RASSF4: variants seen among roughly 807,000 people sequenced by gnomAD.
RASSF4 encodes the protein Ras association domain family member 4.
RASSF4 carries 38 observed loss-of-function variants against 41.1 expected under a neutral mutation model. The ratio of observed to expected loss-of-function variants is 0.92; its 90% CI spans 0.71 to 1.21. The LOEUF (loss-of-function observed/expected upper bound fraction) is 1.21, where lower values mean the gene tolerates loss of function less well. Among genes scored for constraint, RASSF4 ranks in the 50% most tolerant of loss-of-function variants. RASSF4 has a pLI of 0.00. For missense variants in RASSF4, 414 were observed against 419.4 expected (o/e 0.99, Z 0.11); for synonymous variants, 179 against 163.4 (o/e 1.10, Z -0.73).
At chr10:44,977,673 T>C in intron 3 of RASSF4, 1 of 1,612,910 alleles carries the variant, frequency 6.2e-7, no homozygotes, top group Non-Finnish European at 8.5e-7. Flanking sequence ...GGCAGGTCCC[T>C]CTGGCTTGGC....
At position 44,971,095 on chromosome 10, in the gene RASSF4, C is replaced by T. The variant is rs1841136768; in HGVS notation, c.63-678C>T. The T allele has an allele frequency of 1.4e-5, 3 of 221,144 alleles. No homozygotes were observed. The South Asian group carries it at 1.9e-4, about 14-fold the overall frequency. 13.7% of individuals were successfully genotyped at this position (221,144 alleles called of 1,614,324 possible). On this transcript the variant is annotated intron_variant, in intron 2 of 10. Coordinates refer to ENST00000340258, the MANE Select transcript of RASSF4 (RefSeq NM_032023.4). ...AACATGTACTAGAAGATTGAAATTA[C>T]CAGTGTGGCTCACATCCCACGTCTG...
chr10:44,966,246 C>G (rs995125988), intron 1 of RASSF4, among the ~76,000 whole-genome samples: 2 of 152,144 alleles, frequency 1.3e-5, no homozygotes, highest in African/African-American at 4.8e-5. Flanking sequence ...TAAGTAACCA[C>G]TGCCTGACTT....
At chr10:44,968,776 G>C (rs146617341) in intron 1 of RASSF4, among the ~76,000 whole-genome samples, 3 of 152,166 alleles carry the variant, frequency 2.0e-5, no homozygotes, top group African/African-American at 7.2e-5. Flanking sequence ...CACTCAGGTC[G>C]GGAAGACATG....
At chr10:44,969,318 A>G (rs1841047025) in intron 1 of RASSF4, among the ~76,000 whole-genome samples, 1 of 151,956 alleles carries the variant, frequency 6.6e-6, no homozygotes. Flanking sequence ...GGCTCCTCAA[A>G]CCAATCAAGG....
intron 1 of RASSF4, among the ~76,000 whole-genome samples, chr10:44,962,761 G>A (rs1040580416): frequency 1.3e-5 from 2 of 152,236 alleles, no homozygotes; most frequent in Non-Finnish European, 2.9e-5. Flanking sequence ...CTGGTTGGTG[G>A]GGAAGTTGAG....
At chr10:44,971,238 G>GA in intron 2 of RASSF4, 1 of 336,004 alleles carries the variant, frequency 3.0e-6, no homozygotes, top group South Asian at 2.3e-5. Flanking sequence ...AGCGTTGAGG[G>GA]AAAGTGGCTT....
chr10:44,993,839 T>C lies in RASSF4; in HGVS notation c.*510T>C, dbSNP rs144084628. ...ATCACCTTGCCACAGTGTCCCCGGC[T>C]TCTAAGCCTCCAATATCACCCTGTG... On this transcript the variant is annotated 3_prime_UTR_variant, in exon 11 of 11. Transcript: ENST00000340258. 188 of 157,040 alleles carry C rather than the reference T, an allele frequency of 1.2e-3. No individual in the cohort carries two copies. Among genetic ancestry groups the C allele is most frequent in the African/African-American group, 4.4e-3 (182 of 41,802 alleles). The allele number at this position is 157,040 out of a possible 1,614,324, so 9.7% of individuals were successfully genotyped here.
At chr10:44,960,476 G>GC (rs1277475638) in intron 1 of RASSF4, among the ~76,000 whole-genome samples, 1 of 152,206 alleles carries the variant, frequency 6.6e-6, no homozygotes, top group East Asian at 1.9e-4. Flanking sequence ...GGCTTGTTGT[G>GC]CCCCTGAGTC....
intron 10 of RASSF4, among the ~76,000 whole-genome samples, chr10:44,992,553 C>A (rs898513198): frequency 6.6e-6 from 1 of 152,228 alleles, no homozygotes; most frequent in Non-Finnish European, 1.5e-5. Flanking sequence ...GGTCCGGATG[C>A]ATGAGTTAGC....
chr10:44,969,084 ATG>A (rs1308609101), intron 1 of RASSF4, among the ~76,000 whole-genome samples: 2 of 146,012 alleles, frequency 1.4e-5, no homozygotes, highest in African/African-American at 2.5e-5. Flanking sequence ...GTGTGTGTGC[ATG>A]TGATTGTGTA....
Position 44,991,993 on chromosome 10 carries a change from T to G in RASSF4, c.896T>G (p.Leu299Arg), listed in dbSNP as rs1842130753. The stretch of plus-strand genomic sequence containing the variant: ...GAGGAAGAAAGAGAAATAATCAAAC[T>G]GACCATGAAGTAAGCAGCACTTAAA... ...KEEEEREIIKLTMKFQALRLT... is the reference protein window; with the variant it reads ...KEEEEREIIKRTMKFQALRLT... The change falls in exon 10 of 11, where the codon CTG becomes CGG. Residue 299 changes from leucine to arginine, a missense_variant. Coordinates refer to ENST00000340258, the MANE Select transcript of RASSF4 (RefSeq NM_032023.4). 1 of 1,603,882 alleles carries G rather than the reference T, an allele frequency of 6.2e-7. No homozygotes were observed. Among genetic ancestry groups the G allele is most frequent in the South Asian group, 1.1e-5 (1 of 90,870 alleles).
intron 3 of RASSF4, chr10:44,976,299 A>T (rs1259949358): frequency 6.6e-6 from 1 of 152,264 alleles, no homozygotes; most frequent in African/African-American, 2.4e-5. Context: ...TATGGTTTAC[A>T]TTCTATCTCC....
At chr10:44,967,309 G>T (rs1175437861) in intron 1 of RASSF4, among the ~76,000 whole-genome samples, 1 of 152,216 alleles carries the variant, frequency 6.6e-6, no homozygotes, top group Non-Finnish European at 1.5e-5. Flanking sequence ...GCCTGGAAGG[G>T]ACCCACAACA....
intron 2 of RASSF4, chr10:44,970,522 A>G (rs1013954267): frequency 2.6e-4 from 122 of 469,024 alleles, no homozygotes; most frequent in Non-Finnish European, 4.0e-4. Context: ...AGGTGTGTAC[A>G]GGGCCTCATT....
At chr10:44,981,036 C>G (rs1841686988) in intron 3 of RASSF4, 1 of 152,142 alleles carries the variant, frequency 6.6e-6, no homozygotes, top group Non-Finnish European at 1.5e-5. Flanking sequence ...TTTGGATACA[C>G]TATTTTCTCT....
Position 44,994,522 on chromosome 10 carries a change from A to C in RASSF4, c.*1193A>C, listed in dbSNP as rs1842230742. On this transcript the variant is annotated 3_prime_UTR_variant, in exon 11 of 11. Coordinates refer to ENST00000340258, the MANE Select transcript of RASSF4 (RefSeq NM_032023.4). Reference sequence around the variant, plus strand: ...CTCCTTACGGGTGCCCATCAAGAGCATAGCTTGGAAGCCACCATGCTGTGC... The same window carrying C: ...CTCCTTACGGGTGCCCATCAAGAGCCTAGCTTGGAAGCCACCATGCTGTGC... 2 of 152,346 alleles carry C rather than the reference A, an allele frequency of 1.3e-5. No homozygotes were observed. The highest frequency in any genetic ancestry group is 1.3e-4 in the Admixed American group (2 of 15,284). The allele number at this position is 152,346 out of a possible 1,614,324, so 9.4% of individuals were successfully genotyped here.
At chr10:44,960,690 G>C (rs1840677506) in intron 1 of RASSF4, among the ~76,000 whole-genome samples, 1 of 152,204 alleles carries the variant, frequency 6.6e-6, no homozygotes, top group South Asian at 2.1e-4. Context: ...TTAAAACACA[G>C]TAAGGACAGC....
intron 1 of RASSF4, among the ~76,000 whole-genome samples, chr10:44,964,650 A>G (rs564283290): frequency 1.3e-5 from 2 of 152,334 alleles, no homozygotes; most frequent in South Asian, 2.1e-4. Context: ...TAAAAGACTG[A>G]AAAATACTCC....
At chr10:44,964,351 G>A (rs973089338) in intron 1 of RASSF4, among the ~76,000 whole-genome samples, 1 of 152,250 alleles carries the variant, frequency 6.6e-6, no homozygotes, top group East Asian at 1.9e-4. Flanking sequence ...AGGCGTGGAG[G>A]CCTGAGCTAT....
Sources: gnomAD v4.1 joint callset for allele counts (sites outside exome capture counted in the v4.1 genomes callset) on GRCh38, gnomAD v4.1.1 for gene constraint, MANE v1.5 for transcripts, NCBI Gene and HGNC (gene_info 2026-07-23, HGNC 2026-07-21) for gene names.